Variants in USP10 observed in about 807,000 individuals in gnomAD.
The protein encoded by USP10 is ubiquitin specific peptidase 10, also known as ubiquitin carboxyl-terminal hydrolase 10.
In USP10, 22 loss-of-function variants were observed where a neutral mutation model predicts 84.5. The observed-to-expected ratio is 0.26, with a 90% CI of 0.19 to 0.37. The LOEUF (loss-of-function observed/expected upper bound fraction) is 0.37, where lower values mean the gene tolerates loss of function less well. Ranked by LOEUF, USP10 falls within the 10% of genes least tolerant of loss-of-function variation. The pLI, the probability that USP10 is intolerant of heterozygous loss-of-function variation, is 1.00. For missense variants in USP10, 1,019 were observed against 998.9 expected, an observed-to-expected ratio of 1.02 and a Z score of -0.27; for synonymous variants, 454 against 387.6, an observed-to-expected ratio of 1.17 and a Z score of -2.01.
intron 13 of USP10, 65 bp from the exon 14 acceptor site, chr16:84,778,830 G>T: frequency 6.7e-7 from 1 of 1,491,566 alleles, no homozygotes; most frequent in Non-Finnish European, 9.1e-7. Flanking sequence ...GGAAGTCGGC[G>T]GAGACCTGTA....
At chr16:84,706,362 C>A (rs1432264673) in intron 1 of USP10, among the ~76,000 whole-genome samples, 1 of 151,752 alleles carries the variant, frequency 6.6e-6, no homozygotes, top group African/African-American at 2.4e-5. Flanking sequence ...TTTTTTAGAG[C>A]AGTTTTAGGT....
chr16:84,744,804 C>T lies in USP10; in HGVS notation c.323C>T (p.Ala108Val), dbSNP rs531913317. 207 of 1,613,644 alleles carry T rather than the reference C, an allele frequency of 1.3e-4. 1 individual carries two copies. Among genetic ancestry groups the T allele is most frequent in the Non-Finnish European group, 1.6e-4 (185 of 1,179,734 alleles). The change falls in exon 4 of 14, where the codon GCA (alanine) becomes GTA (valine). Residue 108 changes from alanine (A) to valine (V), a missense_variant. Transcript: ENST00000219473. ...KITPDGITKE[A>V]SYGSIDCQYP... ...ACCCCTGATGGTATCACTAAAGAAG[C>T]AAGCTATGGCTCCATCGACTGCCAG...
chr16:84,739,332 C>G (rs1359364010), intron 2 of USP10, among the ~76,000 whole-genome samples: 1 of 151,768 alleles, frequency 6.6e-6, no homozygotes, highest in Non-Finnish European at 1.5e-5. Context: ...AGTGCAGTGG[C>G]GCGATCTCGG....
At chr16:84,710,394 G>A (rs902479289) in intron 1 of USP10, among the ~76,000 whole-genome samples, 1 of 152,040 alleles carries the variant, frequency 6.6e-6, no homozygotes. Flanking sequence ...TCTACTCTCT[G>A]CTCATTTTGG....
intron 4 of USP10, among the ~76,000 whole-genome samples, chr16:84,746,789 T>A (rs1911276182): frequency 6.6e-6 from 1 of 152,218 alleles, no homozygotes; most frequent in Non-Finnish European, 1.5e-5. Context: ...GAAATTAACC[T>A]TAACCTACTG....
At chr16:84,741,183 G>A (rs1597344499) in intron 3 of USP10, among the ~76,000 whole-genome samples, 1 of 152,212 alleles carries the variant, frequency 6.6e-6, no homozygotes, top group African/African-American at 2.4e-5. Flanking sequence ...TAGAAGCCTT[G>A]AAAAGACTAA....
At chr16:84,726,324 A>G (rs150770906) in intron 1 of USP10, among the ~76,000 whole-genome samples, 225 of 152,330 alleles carry the variant, frequency 1.5e-3, no homozygotes, top group African/African-American at 5.1e-3. Context: ...AGTGAACATT[A>G]GACATCTTTT....
chr16:84,735,217 G>A (rs879756327), intron 2 of USP10, among the ~76,000 whole-genome samples: 4 of 63,386 alleles, frequency 6.3e-5, no homozygotes, highest in East Asian at 8.5e-4. Flanking sequence ...GTGTGTGTGT[G>A]TGTGTGTGTG....
intron 1 of USP10, among the ~76,000 whole-genome samples, chr16:84,725,464 G>A (rs373203282): frequency 3.3e-5 from 5 of 152,050 alleles, no homozygotes; most frequent in African/African-American, 7.2e-5. Flanking sequence ...CAAATGGCAC[G>A]ATTTCCGCTC....
Position 84,761,905 on chromosome 16 carries a change from T to C in USP10, c.1555-1084T>C, listed in dbSNP as rs145986583. ...TCAGCACACTTTGGCTGTGCCAGTT[T>C]TTGCCCTTTTCTGCACACGTGCAGA... On this transcript the variant is annotated intron_variant, in intron 8 of 13. Coordinates refer to ENST00000219473, the MANE Select transcript of USP10 (RefSeq NM_005153.3). Among the ~76,000 whole-genome samples, 263 of 152,380 alleles carry C rather than the reference T, an allele frequency of 1.7e-3. 1 individual carries two copies. Among genetic ancestry groups the C allele is most frequent in the African/African-American group, 5.7e-3 (238 of 41,596 alleles).
chr16:84,764,091 A>G lies in USP10; in HGVS notation c.1660A>G (p.Thr554Ala), dbSNP rs1262098835. Residue 554 changes from threonine to alanine, a missense_variant, in exon 10 of 14, where the codon ACG becomes GCG. Thr to Ala is a moderately conservative substitution (Grantham distance 58). Coordinates refer to ENST00000219473, the MANE Select transcript of USP10 (RefSeq NM_005153.3). ...KLLSPSNEKLTISNGPKNHSV... is the reference protein window; with the variant it reads ...KLLSPSNEKLAISNGPKNHSV... ...GCAGATGCTCTCCTTTTCAGAACTT[A>G]CGATTTCCAACGGCCCCAAAAACCA... The G allele has an allele frequency of 3.1e-6, 5 of 1,612,222 alleles. No individual in the cohort carries two copies. The highest frequency in any genetic ancestry group is 3.4e-5 in the Admixed American group (2 of 59,542).
At chr16:84,761,902 G>C (rs867934743) in intron 8 of USP10, among the ~76,000 whole-genome samples, 4 of 152,262 alleles carry the variant, frequency 2.6e-5, no homozygotes, top group Non-Finnish European at 4.4e-5. Flanking sequence ...GGCTGTGCCA[G>C]TTTTTGCCCT....
chr16:84,777,995 C>T (rs1567658979), intron 13 of USP10, among the ~76,000 whole-genome samples: 2 of 152,012 alleles, frequency 1.3e-5, no homozygotes, highest in African/African-American at 2.4e-5. Flanking sequence ...TGTTCTGTGG[C>T]TGTCTTAATG....
rs1246522707 is a variant in USP10, at chr16:84,774,859, C to CT, written c.2144-295dup. On this transcript the variant is annotated intron_variant, in intron 12 of 13. Coordinates refer to ENST00000219473, the MANE Select transcript of USP10 (RefSeq NM_005153.3). ...ACTGTTTTTGTTTTTAAGTCAGCAG[C>CT]TTTTTTCTTTTCCATTTTGTAGAGC... Among the ~76,000 whole-genome samples the CT allele has an allele frequency of 2.0e-5, 3 of 152,252 alleles. No homozygotes were observed. The East Asian group carries it at 5.8e-4, about 29-fold the overall frequency.
Position 84,779,326 on chromosome 16 carries a change from C to T in USP10, c.*244C>T. On this transcript the variant is annotated 3_prime_UTR_variant, in exon 14 of 14. Coordinates refer to ENST00000219473, the MANE Select transcript of USP10 (RefSeq NM_005153.3). ...CTTGATTTTAGAAAATACACAAAAA[C>T]CCATATTTCTGAAATAATGCTGATT... The T allele has an allele frequency of 2.7e-6, 1 of 364,656 alleles. No individual in the cohort carries two copies. The highest frequency in any genetic ancestry group is 4.9e-6 in the Non-Finnish European group (1 of 203,034). The allele number at this position is 364,656 out of a possible 1,614,324, so 22.6% of individuals were successfully genotyped here.
intron 1 of USP10, among the ~76,000 whole-genome samples, chr16:84,717,482 C>T (rs995490878): frequency 6.6e-6 from 1 of 152,188 alleles, no homozygotes; most frequent in Non-Finnish European, 1.5e-5. Context: ...ACATTTTAAA[C>T]TGCTTTTTAA....
At chr16:84,723,935 C>A (rs1316014986) in intron 1 of USP10, among the ~76,000 whole-genome samples, 1 of 152,132 alleles carries the variant, frequency 6.6e-6, no homozygotes, top group Non-Finnish European at 1.5e-5. Context: ...GTTACAGTTT[C>A]TTTTTTATTG....
rs763914753 is a variant in USP10 at position 84,740,290 on chromosome 16, T to C, written c.91-19T>C. 1.9e-6 allele frequency: 3 copies of C among 1,601,784 alleles called. No homozygotes were observed. Among genetic ancestry groups the C allele is most frequent in the Middle Eastern group, 1.9e-4 (1 of 5,236 alleles). ...AACATTTTGTTGAATTAAAATTTGTTTTCTGATTCCTTGTGCAGCTTCCTC... is the reference window on the plus strand; with the variant it reads ...AACATTTTGTTGAATTAAAATTTGTCTTCTGATTCCTTGTGCAGCTTCCTC... On this transcript the variant is annotated intron_variant, in intron 2 of 13. Coordinates refer to ENST00000219473, the MANE Select transcript of USP10 (RefSeq NM_005153.3).
At chr16:84,732,020 T>C (rs185986912) in intron 1 of USP10, among the ~76,000 whole-genome samples, 2 of 152,222 alleles carry the variant, frequency 1.3e-5, no homozygotes, top group Non-Finnish European at 2.9e-5. Flanking sequence ...ATAATTTCTT[T>C]GTTGACTTTT....
Sources: allele counts gnomAD v4.1 joint callset (sites outside exome capture counted in the v4.1 genomes callset), GRCh38; gene constraint gnomAD v4.1.1; transcripts MANE v1.5; gene names NCBI Gene and HGNC (gene_info 2026-07-23, HGNC 2026-07-21).